The following MAGI3 variants were observed in gnomAD, a reference collection of about 807,000 sequenced individuals.
MAGI3 encodes the protein membrane associated guanylate kinase, WW and PDZ domain containing 3.
Under a neutral mutation model 121.8 loss-of-function variants are expected in MAGI3, and 43 were observed. The observed-to-expected ratio is 0.35, with a 90% confidence interval of 0.28 to 0.46. MAGI3 has a LOEUF of 0.46. Among genes scored for constraint, MAGI3 ranks in the 20% least tolerant of loss-of-function variants. The probability of loss-of-function intolerance (pLI) is 1.00; values close to 1 mark genes in which losing one functional copy is unlikely to be tolerated. For synonymous variants in MAGI3, 553 were observed against 639.3 expected (o/e 0.86, Z 2.04); for missense variants, 1,547 against 1,797.3 (o/e 0.86, Z 2.52).
rs770368099 is a variant in MAGI3 at position 113,682,880 on chromosome 1, T to C, written c.3329-17T>C. On this transcript the variant is annotated splice_polypyrimidine_tract_variant and intron_variant, in intron 20 of 20. Transcript: ENST00000307546. ...ATTCTAAAATTTAATAATGTTCCAT[T>C]CAAATCACTTTTTTAGGTGATTGGG... 1.3e-6 allele frequency: 2 copies of C among 1,540,606 alleles called. No individual in the cohort carries two copies. Among genetic ancestry groups the C allele is most frequent in the Admixed American group, 2.2e-5 (1 of 44,748 alleles).
chr1:113,619,632 T>C lies in MAGI3; in HGVS notation c.1077-104T>C, dbSNP rs1650697319. On this transcript the variant is annotated intron_variant, in intron 7 of 20. Transcript: ENST00000307546. Reference sequence around the variant, plus strand: ...CCATGTTCCATAGCCTAAAGATACATATTTGTCCCCTAATCTATGATGATG... The same window carrying C: ...CCATGTTCCATAGCCTAAAGATACACATTTGTCCCCTAATCTATGATGATG... The C allele has an allele frequency of 4.0e-6, 3 of 755,984 alleles. No homozygotes were observed. In the South Asian group the frequency reaches 5.3e-5, roughly 13 times the overall value. The allele number at this position is 755,984 out of a possible 1,614,324, so 46.8% of individuals were successfully genotyped here.
At chr1:113,583,271 A>G (rs958095364) in intron 3 of MAGI3, among the ~76,000 whole-genome samples, 1 of 151,866 alleles carries the variant, frequency 6.6e-6, no homozygotes. Context: ...CATTAGGTAT[A>G]TCTCCTAATG....
chr1:113,682,861 A>G (rs1351961157), intron 20 of MAGI3, 36 bp from the exon 21 acceptor site: 65 of 1,508,904 alleles, frequency 4.3e-5, no homozygotes, highest in Non-Finnish European at 5.4e-5. Flanking sequence ...TGTAATTCTA[A>G]AATTTAATAA....
rs1327338335 is a variant in MAGI3 at position 113,653,063 on chromosome 1, A to G, written c.2441-767A>G. Reference sequence around the variant, plus strand: ...TCACTCAGGAAACTGCAGTTGCAAAACACATCATATAAGACAAATCCTGTA... The same window carrying G: ...TCACTCAGGAAACTGCAGTTGCAAAGCACATCATATAAGACAAATCCTGTA... On this transcript the variant is annotated intron_variant, in intron 14 of 20. Coordinates refer to ENST00000307546, the MANE Select transcript of MAGI3 (RefSeq NM_001142782.2). Among the ~76,000 whole-genome samples, 7 of 152,330 alleles carry G rather than the reference A, an allele frequency of 4.6e-5. No homozygotes were observed. The South Asian group carries it at 8.3e-4, about 18-fold the overall frequency.
In MAGI3 at chr1:113,565,406, A is replaced by G. The variant is rs141967644; in HGVS notation, c.434-15136A>G. Among the ~76,000 whole-genome samples the G allele has an allele frequency of 3.3e-5, 5 of 152,266 alleles. No homozygotes were observed. In the East Asian group the frequency reaches 5.8e-4, roughly 18 times the overall value. On this transcript the variant is annotated intron_variant, in intron 2 of 20. Transcript: ENST00000307546. Reference sequence around the variant, plus strand: ...TTTGATTTTGCCGTTGAAATCTATTAAATATATTGCTTTTATTTCAGATTT... The same window carrying G: ...TTTGATTTTGCCGTTGAAATCTATTGAATATATTGCTTTTATTTCAGATTT...
rs1224529124 is a variant in MAGI3 at position 113,416,300 on chromosome 1, A to AATTATGTAATTG, written c.316+24962_316+24963insGATTATGTAATT. 1.5e-3 allele frequency among the ~76,000 whole-genome samples: 177 copies of AATTATGTAATTG among 118,440 alleles called. 28 individuals are homozygous for AATTATGTAATTG. Among genetic ancestry groups the AATTATGTAATTG allele is most frequent in the African/African-American group, 4.6e-3 (166 of 36,178 alleles). The allele number at this position is 118,440 out of a possible 152,430, so 77.7% of individuals were successfully genotyped here. On this transcript the variant is annotated intron_variant, in intron 1 of 20. Transcript: ENST00000307546. ...AATTACACATATTAATTATGTAATT[A>AATTATGTAATTG]ATTATGTAATTAATTATGTAATTAA...
chr1:113,445,830 ACATTCT>A (rs1181300849), intron 1 of MAGI3, among the ~76,000 whole-genome samples: 1 of 152,194 alleles, frequency 6.6e-6, no homozygotes. Context: ...ATAAATTAAG[ACATTCT>A]CAGATAAACA....
intron 1 of MAGI3, among the ~76,000 whole-genome samples, chr1:113,470,336 C>T (rs1295777109): frequency 6.6e-6 from 1 of 151,944 alleles, no homozygotes; most frequent in Non-Finnish European, 1.5e-5. Context: ...TGAATTGCCA[C>T]CACCACCACA....
chr1:113,422,217 C>T lies in MAGI3; in HGVS notation c.316+30868C>T, dbSNP rs547096172. Among the ~76,000 whole-genome samples the T allele has an allele frequency of 7.2e-5, 11 of 152,222 alleles. No individual in the cohort carries two copies. Among genetic ancestry groups the T allele is most frequent in the Non-Finnish European group, 1.5e-4 (10 of 68,028 alleles). On this transcript the variant is annotated intron_variant, in intron 1 of 20. Transcript: ENST00000307546. The surrounding 1 kb of genome is among the most constrained non-coding windows in gnomAD (Gnocchi z 4.3). ...GTTTGCACCAATGGTAACATTCTTA[C>T]AAAACTACAGTATAATATCACAGTC...
intron 1 of MAGI3, among the ~76,000 whole-genome samples, chr1:113,414,684 A>T (rs1302072854): frequency 6.6e-6 from 1 of 152,040 alleles, no homozygotes; most frequent in East Asian, 1.9e-4. Flanking sequence ...GTATTCTCTG[A>T]TGGTAGTTTG....
chr1:113,489,943 G>A (rs1656590430), intron 1 of MAGI3, among the ~76,000 whole-genome samples: 3 of 152,154 alleles, frequency 2.0e-5, no homozygotes, highest in Middle Eastern at 3.4e-3. Flanking sequence ...TGGGGAGAAT[G>A]GAACCAACTT....
At chr1:113,672,404 G>T (rs1252401702) in intron 17 of MAGI3, among the ~76,000 whole-genome samples, 1 of 152,126 alleles carries the variant, frequency 6.6e-6, no homozygotes, top group Non-Finnish European at 1.5e-5. Flanking sequence ...AAAAATTGTG[G>T]ATGTTGACAG....
intron 1 of MAGI3, among the ~76,000 whole-genome samples, chr1:113,449,416 A>G (rs1210949862): frequency 2.6e-5 from 4 of 151,454 alleles, no homozygotes; most frequent in Non-Finnish European, 4.4e-5. Context: ...CAATCCTTAA[A>G]TCATGTAATA....
At chr1:113,640,724 G>C (rs867159167) in intron 9 of MAGI3, among the ~76,000 whole-genome samples, 2 of 151,430 alleles carry the variant, frequency 1.3e-5, no homozygotes, top group Non-Finnish European at 2.9e-5. Context: ...AGGGCCAGTC[G>C]GGGGTTGGGG....
chr1:113,681,385 G>A (rs758691200), intron 20 of MAGI3, 49 bp downstream of exon 20: 4 of 1,569,962 alleles, frequency 2.5e-6, no homozygotes, highest in South Asian at 1.2e-5. Flanking sequence ...ATTAGGGAGG[G>A]GACAGAAGAA....
At chr1:113,673,868 C>T (rs1647708491) in intron 19 of MAGI3, among the ~76,000 whole-genome samples, 1 of 151,966 alleles carries the variant, frequency 6.6e-6, no homozygotes, top group African/African-American at 2.4e-5. Context: ...GATTTTTTTT[C>T]CCCACTCTTA....
intron 2 of MAGI3, among the ~76,000 whole-genome samples, chr1:113,556,173 A>G (rs1659985677): frequency 1.3e-5 from 2 of 152,138 alleles, no homozygotes; most frequent in South Asian, 4.1e-4. Context: ...TCTTAAAAAG[A>G]AGGAGGAAAA....
chr1:113,656,419 C>CT lies in MAGI3; in HGVS notation c.2629+2415dup, dbSNP rs1171768187. 6.1e-3 allele frequency among the ~76,000 whole-genome samples: 851 copies of CT among 140,530 alleles called. 5 individuals are homozygous for CT. The highest frequency in any genetic ancestry group is 0.016 in the African/African-American group (606 of 38,462). 92.2% of individuals were successfully genotyped at this position (140,530 alleles called of 152,430 possible). On this transcript the variant is annotated intron_variant, in intron 15 of 20. Transcript: ENST00000307546. ...CAGAATAGATCAGTATTTTCTTTTT[C>CT]TTTTTTTTTTTTTTGAGACAGTCTT...
chr1:113,636,645 C>G (rs1366737946), intron 9 of MAGI3, among the ~76,000 whole-genome samples: 1 of 152,018 alleles, frequency 6.6e-6, no homozygotes, highest in Non-Finnish European at 1.5e-5. Context: ...GCTTTACTTC[C>G]AACTATGTGG....
Sources: allele counts gnomAD v4.1 joint callset (sites outside exome capture counted in the v4.1 genomes callset), GRCh38; gene constraint gnomAD v4.1.1; non-coding constraint Gnocchi (gnomAD v3.1); transcripts MANE v1.5; gene names NCBI Gene and HGNC (gene_info 2026-07-23, HGNC 2026-07-21).